The following NLRP11 variants were observed in gnomAD, a reference collection of about 807,000 sequenced individuals.
The protein encoded by NLRP11 is NLR family pyrin domain containing 11.
In NLRP11, 53 loss-of-function variants were observed where a neutral mutation model predicts 79.3. That is an observed-to-expected ratio of 0.67 (90% confidence interval 0.54 to 0.84). The LOEUF is 0.84. Ranked by LOEUF, NLRP11 falls within the 40% of genes least tolerant of loss-of-function variation. The pLI, the probability that NLRP11 is intolerant of heterozygous loss-of-function variation, is 0.00. For missense variants in NLRP11, 1,264 were observed against 1,255.0 expected, an observed-to-expected ratio of 1.01 and a Z score of -0.11; for synonymous variants, 518 against 462.6, an observed-to-expected ratio of 1.12 and a Z score of -1.54.
At chr19:55,785,952 A>C in intron 9 of NLRP11, 81 bp from the exon 10 acceptor site, 2 of 1,424,900 alleles carry the variant, frequency 1.4e-6, no homozygotes, top group Non-Finnish European at 1.9e-6. Context: ...AATTCCCCAT[A>C]TGGCATCCTT....
In NLRP11 at chr19:55,796,060, G is replaced by A; in HGVS notation, c.2342+20C>T. ...GTCAGTCTGAGCTTCTACGTGGTGA[G>A]CTCGTCTAAGCCAACTTACACCAGT... is the stretch of plus-strand genomic sequence containing the variant. On this transcript the variant is annotated intron_variant, in intron 6 of 9. Transcript: ENST00000589093. 6.3e-7 allele frequency: 1 copy of A among 1,595,526 alleles called. No homozygotes were observed. Among genetic ancestry groups the A allele is most frequent in the Non-Finnish European group, 8.6e-7 (1 of 1,164,676 alleles).
chr19:55,816,155 G>A (rs66487527), intron 2 of NLRP11, among the ~76,000 whole-genome samples: 7,422 of 152,234 alleles, frequency 0.049, 196 homozygotes, highest in African/African-American at 0.075. Context: ...AAGATCTACT[G>A]TTCACCTATA....
chr19:55,789,510 T>G, intron 7 of NLRP11, 111 bp from the exon 8 acceptor site: 1 of 960,478 alleles, frequency 1.0e-6, no homozygotes, highest in Non-Finnish European at 1.6e-6. Context: ...AATAAGGGAC[T>G]GCTTACAGAA....
intron 1 of NLRP11, among the ~76,000 whole-genome samples, chr19:55,830,223 C>T (rs181868376): frequency 1.3e-5 from 2 of 152,250 alleles, no homozygotes; most frequent in East Asian, 3.9e-4. Context: ...TTAAGCCTCA[C>T]CAAGTCCAAC....
In NLRP11 at chr19:55,792,445, T is replaced by C. The variant is rs764852679; in HGVS notation, c.2369A>G (p.Asn790Ser). 6.8e-6 allele frequency: 11 copies of C among 1,614,056 alleles called. No homozygotes were observed. The highest frequency in any genetic ancestry group is 1.7e-4 in the Middle Eastern group (1 of 6,060). Reference sequence around the variant, plus strand: ...CACTCTTCCAAGGGCGCTGCAGCAATTTTCAGTGAGACAGCAGAAGACTAA... The same window carrying C: ...CACTCTTCCAAGGGCGCTGCAGCAACTTTCAGTGAGACAGCAGAAGACTAA... The change falls in exon 7 of 10, where the codon AAT becomes AGT. Residue 790 changes from asparagine (N) to serine (S), a missense_variant. Physicochemically the swap from Asn to Ser is conservative, Grantham distance 46 (BLOSUM62 1). Transcript: ENST00000589093.
intron 4 of NLRP11, among the ~76,000 whole-genome samples, chr19:55,803,648 CAG>C (rs748846210): frequency 1.3e-5 from 2 of 152,144 alleles, no homozygotes; most frequent in Non-Finnish European, 2.9e-5. Context: ...AAGGGTATAA[CAG>C]ACAGTTTTCA....
At chr19:55,832,266 C>T (rs302473), upstream of NLRP11, among the ~76,000 whole-genome samples, 67,383 of 151,982 alleles carry the variant, frequency 0.44, 16,155 homozygotes, top group African/African-American at 0.62. Context: ...AAACAATTGA[C>T]TTAGGCAGTG....
At chr19:55,831,747 A>C (rs899889323) in intron 1 of NLRP11, among the ~76,000 whole-genome samples, 6 of 117,150 alleles carry the variant, frequency 5.1e-5, no homozygotes, top group African/African-American at 9.0e-5. Context: ...AACTTAAATA[A>C]GTTTATCAAA....
chr19:55,806,088 C>T (rs1389731946), intron 4 of NLRP11, among the ~76,000 whole-genome samples: 2 of 152,214 alleles, frequency 1.3e-5, no homozygotes, highest in African/African-American at 4.8e-5. Context: ...ATGACCACTC[C>T]CTCAAAGGCC....
chr19:55,836,241 T>C (rs1306820304), upstream of NLRP11: 2 of 152,176 alleles, frequency 1.3e-5, no homozygotes, highest in Non-Finnish European at 1.5e-5. Context: ...ATTTAAATTA[T>C]AAACAGAGTC....
Position 55,810,148 on chromosome 19 carries a change from C to G in NLRP11, c.462G>C (p.Glu154Asp), listed in dbSNP as rs143277549. The change falls in exon 3 of 10, where the codon GAG (glutamate) becomes GAC (aspartate). Residue 154 changes from glutamate to aspartate, a missense_variant. Transcript: ENST00000589093. ...TAACAATAGTTTTTCCAGATGCTCTCTCTCCCATCAGGAACACATTGAGAT... is the reference window on the plus strand; with the variant it reads ...TAACAATAGTTTTTCCAGATGCTCTGTCTCCCATCAGGAACACATTGAGAT... The G allele has an allele frequency of 5.2e-5, 84 of 1,613,938 alleles. No homozygotes were observed. The African/African-American group carries it at 1.1e-3, about 20-fold the overall frequency.
chr19:55,814,439 G>A (rs1980891960), intron 2 of NLRP11, among the ~76,000 whole-genome samples: 1 of 152,092 alleles, frequency 6.6e-6, no homozygotes, highest in Non-Finnish European at 1.5e-5. Context: ...TGGAAAAATT[G>A]TCTTCCGTGA....
intron 7 of NLRP11, among the ~76,000 whole-genome samples, chr19:55,790,636 T>C (rs181032471): frequency 3.9e-3 from 593 of 152,312 alleles, no homozygotes; most frequent in Admixed American, 6.5e-3. Flanking sequence ...TGAATAATCA[T>C]ATTAAAGCAG....
intron 1 of NLRP11, among the ~76,000 whole-genome samples, chr19:55,831,030 T>C (rs1982711663): frequency 6.6e-6 from 1 of 150,590 alleles, no homozygotes; most frequent in Non-Finnish European, 1.5e-5. Context: ...CAATCCCCCC[T>C]GTAAATTCAG....
upstream of NLRP11, among the ~76,000 whole-genome samples, chr19:55,835,180 G>C (rs527441676): frequency 8.5e-5 from 13 of 152,246 alleles, no homozygotes; most frequent in African/African-American, 2.9e-4. Context: ...CATCACCATC[G>C]TAACACTGAA....
At chr19:55,810,020 C>T in exon 3 of NLRP11, 1 of 1,614,174 alleles carries the variant, frequency 6.2e-7, no homozygotes, top group Non-Finnish European at 8.5e-7. Context: ...AGCCAAGCTG[C>T]TGTTGGTCAT....
At chr19:55,822,632 G>T (rs551666882) in intron 1 of NLRP11, among the ~76,000 whole-genome samples, 68 of 152,230 alleles carry the variant, frequency 4.5e-4, no homozygotes, top group African/African-American at 1.6e-3. Context: ...TTCCCTTTCC[G>T]AGTCAAAGAA....
At chr19:55,807,132 C>T (rs888088574) in intron 4 of NLRP11, among the ~76,000 whole-genome samples, 1 of 152,070 alleles carries the variant, frequency 6.6e-6, no homozygotes, top group Non-Finnish European at 1.5e-5. Flanking sequence ...TTTTTCCCCC[C>T]ATTGATATAT....
intron 7 of NLRP11, among the ~76,000 whole-genome samples, chr19:55,791,211 G>C (rs560082360): frequency 2.0e-5 from 3 of 152,172 alleles, no homozygotes; most frequent in Admixed American, 2.0e-4. Context: ...ATAGAAAAAG[G>C]TTTCTAACCC....
Sources: allele counts gnomAD v4.1 joint callset (sites outside exome capture counted in the v4.1 genomes callset), GRCh38; gene constraint gnomAD v4.1.1; transcripts MANE v1.5; gene names NCBI Gene and HGNC (gene_info 2026-07-23, HGNC 2026-07-21).